COL4A2: variants seen among roughly 807,000 people sequenced by gnomAD.
The protein encoded by COL4A2 is collagen type IV alpha 2 chain, also known as collagen alpha-2(IV) chain.
In COL4A2, 99 loss-of-function variants were observed where a neutral mutation model predicts 200.2. The ratio of observed to expected loss-of-function variants is 0.49; its 90% CI spans 0.42 to 0.58. The LOEUF (loss-of-function observed/expected upper bound fraction) is 0.58, where lower values mean the gene tolerates loss of function less well. Ranked by LOEUF, COL4A2 falls within the 20% of genes least tolerant of loss-of-function variation. The pLI, the probability that COL4A2 is intolerant of heterozygous loss-of-function variation, is 0.00. For missense variants in COL4A2, 1,950 were observed against 2,314.1 expected (o/e 0.84, Z 3.23); for synonymous variants, 897 against 900.6 (o/e 1.00, Z 0.07).
chr13:110,509,270 T>TATATATATAC (rs1435137108), intron 47 of COL4A2, among the ~76,000 whole-genome samples: 22 of 115,572 alleles, frequency 1.9e-4, no homozygotes, highest in South Asian at 5.7e-4. Flanking sequence ...TATATATATA[T>TATATATATAC]ACACACACAC....
intron 4 of COL4A2, among the ~76,000 whole-genome samples, chr13:110,389,865 CA>C (rs5806852): frequency 1.3e-4 from 20 of 148,166 alleles, no homozygotes; most frequent in Admixed American, 1.3e-4. Flanking sequence ...CTTTCTAAAG[CA>C]AAAAAAAAAA....
At chr13:110,509,270 T>TATATACACACACACACACACACACAC (rs1435137108) in intron 47 of COL4A2, among the ~76,000 whole-genome samples, 9 of 115,576 alleles carry the variant, frequency 7.8e-5, no homozygotes, top group African/African-American at 2.8e-4. Context: ...TATATATATA[T>TATATACACACACACACACACACACAC]ACACACACAC....
rs142409059 is a variant in COL4A2 at position 110,483,322 on chromosome 13, C to T, written c.2902+663C>T. Among the ~76,000 whole-genome samples the T allele has an allele frequency of 3.3e-3, 506 of 152,258 alleles. 3 individuals are homozygous for T. The highest frequency in any genetic ancestry group is 3.5e-3 in the Non-Finnish European group (240 of 68,024). ...ACAGGCTGCCAGCAGGAGTGTAAAA[C>T]GCTGCGGCCAGTGTGCCAAACAGTT... On this transcript the variant is annotated intron_variant, in intron 32 of 47. Coordinates refer to ENST00000360467, the MANE Select transcript of COL4A2 (RefSeq NM_001846.4).
intron 3 of COL4A2, among the ~76,000 whole-genome samples, chr13:110,326,107 T>C (rs1393984480): frequency 1.3e-5 from 2 of 152,076 alleles, no homozygotes; most frequent in African/African-American, 4.8e-5. Flanking sequence ...TTTAAGTCAT[T>C]TGCTCAGAAC....
At chr13:110,324,307 T>C (rs1411558298) in intron 3 of COL4A2, among the ~76,000 whole-genome samples, 1 of 152,134 alleles carries the variant, frequency 6.6e-6, no homozygotes, top group East Asian at 1.9e-4. Context: ...ACACAGTCCC[T>C]GGATGTGGTG....
chr13:110,398,384 C>T (rs1879254122), intron 4 of COL4A2, among the ~76,000 whole-genome samples: 6 of 152,122 alleles, frequency 3.9e-5, no homozygotes, highest in Admixed American at 3.3e-4. Context: ...ATGAGCTGGG[C>T]GCAGTGGCTC....
intron 4 of COL4A2, among the ~76,000 whole-genome samples, chr13:110,377,945 A>C (rs2139407792): frequency 6.6e-6 from 1 of 152,344 alleles, no homozygotes; most frequent in East Asian, 1.9e-4. Context: ...ATCAAAACCC[A>C]GTTTGGAAAA....
At chr13:110,314,005 T>C (rs575834245) in intron 3 of COL4A2, among the ~76,000 whole-genome samples, 1 of 152,344 alleles carries the variant, frequency 6.6e-6, no homozygotes, top group African/African-American at 2.4e-5. Context: ...TAAAACCGGC[T>C]CCTTTGAAGT....
chr13:110,418,362 T>C (rs552379120), intron 4 of COL4A2, among the ~76,000 whole-genome samples: 1 of 152,362 alleles, frequency 6.6e-6, no homozygotes, highest in Non-Finnish European at 1.5e-5. Context: ...AATCAAACTT[T>C]TTAAATCTAG....
intron 4 of COL4A2, among the ~76,000 whole-genome samples, chr13:110,402,486 G>C (rs1052809264): frequency 2.0e-5 from 3 of 152,118 alleles, no homozygotes; most frequent in Non-Finnish European, 2.9e-5. Context: ...CTTGAGTCTC[G>C]GGGCAGCCCC....
At chr13:110,357,908 C>T (rs1566491717) in intron 4 of COL4A2, among the ~76,000 whole-genome samples, 2 of 152,134 alleles carry the variant, frequency 1.3e-5, no homozygotes, top group South Asian at 2.1e-4. Flanking sequence ...GCTCTGTCTG[C>T]GTTGGGGAGT....
rs551347691 is a variant in COL4A2 at position 110,327,602 on chromosome 13, G to C, written c.99+19479G>C. Among the ~76,000 whole-genome samples the C allele has an allele frequency of 6.6e-5, 10 of 152,292 alleles. No individual in the cohort carries two copies. In the East Asian group the frequency reaches 1.9e-3, roughly 29 times the overall value. On this transcript the variant is annotated intron_variant, in intron 3 of 47. Coordinates refer to ENST00000360467, the MANE Select transcript of COL4A2 (RefSeq NM_001846.4). Reference sequence around the variant, plus strand: ...TGTCTTTCTATAGTGAAGAGATTGGGGGTGGGGTGTTGGGTTGGAAAACAA... The same window carrying C: ...TGTCTTTCTATAGTGAAGAGATTGGCGGTGGGGTGTTGGGTTGGAAAACAA...
intron 40 of COL4A2, among the ~76,000 whole-genome samples, chr13:110,499,046 GC>G (rs1170883663): frequency 6.6e-6 from 1 of 152,254 alleles, no homozygotes; most frequent in Non-Finnish European, 1.5e-5. Flanking sequence ...TGAGGCCACT[GC>G]CTCTGGCTAG....
Position 110,417,961 on chromosome 13 carries a change from C to A in COL4A2, c.181-6773C>A, listed in dbSNP as rs146442976. On this transcript the variant is annotated intron_variant, in intron 4 of 47. Coordinates refer to ENST00000360467, the MANE Select transcript of COL4A2 (RefSeq NM_001846.4). ...TCCTGTGAACTTTAGAAGAAATTGC[C>A]AAACTGTCTTCCAAAGAGGCTGCAC... Among the ~76,000 whole-genome samples, 247 of 152,124 alleles carry A rather than the reference C, an allele frequency of 1.6e-3. 1 individual carries two copies. Among genetic ancestry groups the A allele is most frequent in the African/African-American group, 5.5e-3 (230 of 41,502 alleles).
chr13:110,421,212 C>T (rs933324686), intron 4 of COL4A2, among the ~76,000 whole-genome samples: 18 of 152,298 alleles, frequency 1.2e-4, no homozygotes, highest in African/African-American at 4.1e-4. Flanking sequence ...TACTCGTGCA[C>T]ACATATTTAC....
Position 110,506,620 on chromosome 13 carries a change from A to C in COL4A2, c.4594+14A>C. ...ACCAGGACCTGGGTAGGTACCTCCC[A>C]CCCGGCCCCCGTTGCCTGCTCAGGG... On this transcript the variant is annotated intron_variant, in intron 46 of 47. Coordinates refer to ENST00000360467, the MANE Select transcript of COL4A2 (RefSeq NM_001846.4). The C allele has an allele frequency of 1.3e-6, 2 of 1,592,220 alleles. No homozygotes were observed. Among genetic ancestry groups the C allele is most frequent in the Non-Finnish European group, 1.7e-6 (2 of 1,168,536 alleles).
At chr13:110,308,822 G>C (rs1312102268) in intron 3 of COL4A2, among the ~76,000 whole-genome samples, 1 of 152,194 alleles carries the variant, frequency 6.6e-6, no homozygotes, top group African/African-American at 2.4e-5. Context: ...TATACGTTTT[G>C]TTTAAAGAGT....
At chr13:110,412,970 G>A (rs1387345796) in intron 4 of COL4A2, among the ~76,000 whole-genome samples, 2 of 152,168 alleles carry the variant, frequency 1.3e-5, no homozygotes, top group Admixed American at 6.5e-5. Context: ...CTGGTGGAAC[G>A]AACAATCAGA....
At chr13:110,368,936 C>T (rs1039739121) in intron 4 of COL4A2, among the ~76,000 whole-genome samples, 8 of 151,950 alleles carry the variant, frequency 5.3e-5, no homozygotes, top group South Asian at 4.2e-4. Flanking sequence ...AGGCCAGGCG[C>T]GGTGGCTCGC....
Sources: gnomAD v4.1 joint callset for allele counts (sites outside exome capture counted in the v4.1 genomes callset) on GRCh38, gnomAD v4.1.1 for gene constraint, MANE v1.5 for transcripts, NCBI Gene and HGNC (gene_info 2026-07-23, HGNC 2026-07-21) for gene names.